Variants in ADGRV1 observed in about 807,000 individuals in gnomAD.
The protein encoded by ADGRV1 is G-protein coupled receptor 98.
In ADGRV1, 359 loss-of-function variants were observed where a neutral mutation model predicts 596.2. The observed-to-expected ratio is 0.60, with a 90% CI of 0.55 to 0.66. ADGRV1 has a LOEUF of 0.66. ADGRV1 is among the 30% of genes least tolerant of loss of function. ADGRV1 has a pLI of 0.00. For synonymous variants in ADGRV1, 2,681 were observed against 2,679.2 expected (o/e 1.00, Z -0.02); for missense variants, 7,274 against 7,575.6 (o/e 0.96, Z 1.48).
Position 90,658,190 on chromosome 5 carries a change from C to T in ADGRV1, c.4664C>T (p.Ser1555Leu), listed in dbSNP as rs762055707. The T allele has an allele frequency of 1.2e-5, 19 of 1,580,756 alleles. No individual in the cohort carries two copies. The highest frequency in any genetic ancestry group is 3.5e-5 in the South Asian group (3 of 84,836). Reference sequence around the variant, plus strand: ...TCTGTATATGGAGGAGCTCGTATTTCGGAAGAAAATACTACTGCAAGATTA... The same window carrying T: ...TCTGTATATGGAGGAGCTCGTATTTTGGAAGAAAATACTACTGCAAGATTA... ...LVSVYGGARI[S>L]EENTTARLTI... is the part of the protein sequence containing the mutation. The change falls in exon 21 of 90, where the codon TCG becomes TTG. Residue 1555 changes from serine to leucine, a missense_variant. Ser to Leu is a moderately radical substitution (Grantham distance 145). Around this residue, in one of 5 missense-constraint regions of ADGRV1, gnomAD observed 3,643 missense variants for 3,809.2 expected, o/e 0.96. Coordinates refer to ENST00000405460, the MANE Select transcript of ADGRV1 (RefSeq NM_032119.4).
intron 84 of ADGRV1, among the ~76,000 whole-genome samples, chr5:90,980,365 G>A (rs1234666399): frequency 1.3e-5 from 2 of 152,182 alleles, no homozygotes; most frequent in African/African-American, 4.8e-5. Flanking sequence ...CTTGTCTTCA[G>A]AGACTATATC....
rs1396991215 is a variant in ADGRV1 at position 90,791,420 on chromosome 5, T to C, written c.14517+74T>C. 4 of 1,110,354 alleles carry C rather than the reference T, an allele frequency of 3.6e-6. No individual in the cohort carries two copies. The African/African-American group carries it at 6.3e-5, about 18-fold the overall frequency. 68.8% of individuals were successfully genotyped at this position (1,110,354 alleles called of 1,614,324 possible). A position where few individuals can be genotyped will look rare whatever the true frequency, so the allele number is the denominator to read the frequency against. On this transcript the variant is annotated intron_variant, in intron 70 of 89. Coordinates refer to ENST00000405460, the MANE Select transcript of ADGRV1 (RefSeq NM_032119.4). ...AGGAGTGCCCATGCTTACCTCATAA[T>C]CAGTTTGAAATCTTATTCAGGTATT...
intron 86 of ADGRV1, among the ~76,000 whole-genome samples, chr5:91,091,211 G>A (rs993519201): frequency 2.6e-5 from 4 of 152,020 alleles, no homozygotes; most frequent in African/African-American, 9.7e-5. Context: ...GTGTCTCTAT[G>A]GGAATGTTAC....
intron 81 of ADGRV1, among the ~76,000 whole-genome samples, chr5:90,854,724 C>T (rs952106738): frequency 6.6e-6 from 1 of 152,178 alleles, no homozygotes; most frequent in East Asian, 1.9e-4. Flanking sequence ...TGAGCAGTTA[C>T]AGTCACTAGG....
Position 90,755,127 on chromosome 5 carries a change from C to T in ADGRV1, c.11522C>T (p.Thr3841Ile), listed in dbSNP as rs745539192. 3.1e-6 allele frequency: 5 copies of T among 1,610,834 alleles called. No individual in the cohort carries two copies. The African/African-American group carries it at 6.7e-5, about 22-fold the overall frequency. Reference protein sequence around the residue: ...TENEDYVLQETIIIMKENIKE... With the variant: ...TENEDYVLQEIIIIMKENIKE... The stretch of plus-strand genomic sequence containing the variant: ...AATGAAGATTATGTATTGCAAGAAA[C>T]AATAATAATAATGAAAGAAAACATA... Residue 3841 changes from threonine to isoleucine, a missense_variant, in exon 55 of 90, where the codon ACA becomes ATA. Coordinates refer to ENST00000405460, the MANE Select transcript of ADGRV1 (RefSeq NM_032119.4).
rs761565753 is a variant in ADGRV1 at position 90,705,568 on chromosome 5, T to G, written c.8555T>G (p.Phe2852Cys). The part of the protein sequence containing the change: ...ITIQLFINRE[F>C]GSLGAINVTY... Reference sequence around the variant, plus strand: ...ATTCAGCTTTTCATCAACAGAGAATTTGGATCTCTAGGTTTGTGTTACTCT... The same window carrying G: ...ATTCAGCTTTTCATCAACAGAGAATGTGGATCTCTAGGTTTGTGTTACTCT... The change falls in exon 37 of 90, where the codon TTT (phenylalanine) becomes TGT (cysteine). Residue 2852 changes from phenylalanine to cysteine, a missense_variant. By Grantham distance (205) the Phe-to-Cys change is radical. Around this residue, in one of 5 missense-constraint regions of ADGRV1, gnomAD observed 3,643 missense variants for 3,809.2 expected, o/e 0.96. Coordinates refer to ENST00000405460, the MANE Select transcript of ADGRV1 (RefSeq NM_032119.4). The G allele has an allele frequency of 7.2e-5, 116 of 1,613,228 alleles. No homozygotes were observed. The highest frequency in any genetic ancestry group is 9.2e-5 in the Non-Finnish European group (108 of 1,179,494).
intron 75 of ADGRV1, among the ~76,000 whole-genome samples, chr5:90,818,741 A>G (rs1156691641): frequency 6.6e-6 from 1 of 151,088 alleles, no homozygotes. Context: ...ATATTGAACC[A>G]GCCTTGCATC....
chr5:90,936,643 TA>T (rs1288426220), intron 83 of ADGRV1, among the ~76,000 whole-genome samples: 1 of 152,082 alleles, frequency 6.6e-6, no homozygotes, highest in Non-Finnish European at 1.5e-5. Context: ...TATCTTATTT[TA>T]GTTTTGTTTT....
chr5:90,935,756 G>A (rs1775629492), intron 83 of ADGRV1, among the ~76,000 whole-genome samples: 1 of 152,176 alleles, frequency 6.6e-6, no homozygotes, highest in Admixed American at 6.5e-5. Context: ...ACTCGAGGCA[G>A]TGTTTCTTAG....
rs1393079124 is a variant in ADGRV1 at position 90,642,900 on chromosome 5, C to A, written c.2412C>A (p.Ser804=). ...TCCACATCATCCGATCAAGGGGGTC[C>A]CTTGTTAAGCAGTTTCTACACTACC... The part of the protein sequence containing the change: ...VELHIIRSRG[S]LVKQFLHYRV... Residue 804 remains serine, a synonymous_variant, in exon 13 of 90, where the codon TCC becomes TCA. Transcript: ENST00000405460. 6.2e-7 allele frequency: 1 copy of A among 1,611,148 alleles called. No individual in the cohort carries two copies. Among genetic ancestry groups the A allele is most frequent in the South Asian group, 1.1e-5 (1 of 90,572 alleles).
At chr5:90,854,240 T>G (rs1766810362) in intron 81 of ADGRV1, 39 bp downstream of exon 81, 1 of 1,473,368 alleles carries the variant, frequency 6.8e-7, no homozygotes, top group Admixed American at 2.3e-5. Flanking sequence ...AATTTGGTCC[T>G]TCCCCATTTC....
intron 53 of ADGRV1, among the ~76,000 whole-genome samples, chr5:90,751,600 G>T (rs894640359): frequency 6.6e-6 from 1 of 152,162 alleles, no homozygotes; most frequent in African/African-American, 2.4e-5. Flanking sequence ...GGATCAGAGA[G>T]CCTTTTGTTC....
At chr5:90,668,078 G>A (rs1374336285) in intron 21 of ADGRV1, among the ~76,000 whole-genome samples, 1 of 151,860 alleles carries the variant, frequency 6.6e-6, no homozygotes, top group African/African-American at 2.4e-5. Context: ...TCTGTGCCCT[G>A]CCCCCAGAGG....
intron 68 of ADGRV1, among the ~76,000 whole-genome samples, chr5:90,789,249 C>T (rs536070482): frequency 2.0e-5 from 3 of 152,236 alleles, no homozygotes; most frequent in Admixed American, 1.3e-4. Context: ...TTCACAGTGA[C>T]ATCTAGATGA....
At chr5:90,615,080 G>A in intron 2 of ADGRV1, 61 bp downstream of exon 2, 2 of 1,100,526 alleles carry the variant, frequency 1.8e-6, no homozygotes, top group Non-Finnish European at 2.5e-6. Flanking sequence ...TAGTTTTAAT[G>A]GCAAGGATTT....
At chr5:90,690,690 T>C in intron 30 of ADGRV1, 107 bp from the exon 31 acceptor site, 4 of 1,148,272 alleles carry the variant, frequency 3.5e-6, no homozygotes, top group Non-Finnish European at 4.9e-6. Context: ...TATAGCTACT[T>C]AGATTGCTTA....
intron 84 of ADGRV1, among the ~76,000 whole-genome samples, chr5:90,966,530 C>CA (rs67304974): frequency 0.33 from 33,646 of 100,548 alleles, 6,000 homozygotes; most frequent in Non-Finnish European, 0.4. Context: ...GAAACTCTGC[C>CA]AAAAAAAAAA....
At chr5:90,926,646 T>C (rs1031382554) in intron 83 of ADGRV1, among the ~76,000 whole-genome samples, 2,512 of 151,784 alleles carry the variant, frequency 0.017, 84 homozygotes, top group African/African-American at 0.057. Context: ...AGTTCTGCTC[T>C]GATTTTAGTT....
intron 70 of ADGRV1, chr5:90,791,659 GCACA>G (rs1020403747): frequency 1.7e-4 from 44 of 258,378 alleles, no homozygotes; most frequent in African/African-American, 8.8e-4. Context: ...GTATGCACAC[GCACA>G]CACACTGATA....
Sources: allele counts gnomAD v4.1 joint callset (sites outside exome capture counted in the v4.1 genomes callset), GRCh38; gene constraint gnomAD v4.1.1; regional missense constraint gnomAD v4.1.1; transcripts MANE v1.5; gene names NCBI Gene and HGNC (gene_info 2026-07-23, HGNC 2026-07-21).